Variants in ADARB2 observed in about 807,000 individuals in gnomAD.
ADARB2 encodes adenosine deaminase RNA specific B2 (inactive).
Under a neutral mutation model 62.2 loss-of-function variants are expected in ADARB2, and 25 were observed. That is an observed-to-expected ratio of 0.40 (90% CI 0.29 to 0.56). The LOEUF is 0.56. Among genes scored for constraint, ADARB2 ranks in the 20% least tolerant of loss-of-function variants. ADARB2 has a pLI of 0.43. For missense variants in ADARB2, 1,071 were observed against 1,077.4 expected (o/e 0.99, Z 0.08); for synonymous variants, 572 against 500.8 (o/e 1.14, Z -1.90).
intron 3 of ADARB2, among the ~76,000 whole-genome samples, chr10:1,344,976 C>T (rs985278584): frequency 3.3e-5 from 5 of 152,154 alleles, no homozygotes; most frequent in African/African-American, 1.2e-4. Context: ...GACTTGGTGG[C>T]ACCAAAGAGG....
rs1055541051 is a variant in ADARB2 at position 1,200,025 on chromosome 10, C to T, written c.1805G>A (p.Arg602His). 6 of 1,591,280 alleles carry T rather than the reference C, an allele frequency of 3.8e-6. No individual in the cohort carries two copies. Among genetic ancestry groups the T allele is most frequent in the African/African-American group, 2.7e-5 (2 of 74,858 alleles). ...TGHLARVMSH[R>H]MEGVGQLPAS... is the part of the protein sequence containing the mutation. Reference sequence around the variant, plus strand: ...GGGCAGCTGGCCGACACCCTCCATGCGGTGGCTCATGACGCGTGCGAGGTG... The same window carrying T: ...GGGCAGCTGGCCGACACCCTCCATGTGGTGGCTCATGACGCGTGCGAGGTG... Residue 602 changes from arginine (R) to histidine (H), a missense_variant, in exon 8 of 10, where the codon CGC (arginine) becomes CAC (histidine). Arg to His is a conservative substitution (Grantham distance 29). Transcript: ENST00000381312.
chr10:1,435,816 C>T (rs1830829657), intron 1 of ADARB2, among the ~76,000 whole-genome samples: 1 of 152,230 alleles, frequency 6.6e-6, no homozygotes, highest in Non-Finnish European at 1.5e-5. Context: ...TTTTAGTCCA[C>T]ATGTCACTCA....
intron 1 of ADARB2, among the ~76,000 whole-genome samples, chr10:1,428,836 C>G (rs2820654): frequency 0.045 from 6,828 of 151,884 alleles, 546 homozygotes; most frequent in African/African-American, 0.16. Flanking sequence ...CACACACACA[C>G]GCAATCCCAC....
chr10:1,449,194 T>G (rs1185113077), intron 1 of ADARB2, among the ~76,000 whole-genome samples: 1 of 152,142 alleles, frequency 6.6e-6, no homozygotes, highest in Non-Finnish European at 1.5e-5. Context: ...CAGCCCCACA[T>G]GCTATTATCA....
chr10:1,679,719 G>T (rs1201781428), intron 1 of ADARB2, among the ~76,000 whole-genome samples: 1 of 152,118 alleles, frequency 6.6e-6, no homozygotes, highest in South Asian at 2.1e-4. Context: ...TGACACACAC[G>T]CGGCGTCTAA....
At chr10:1,536,319 C>A (rs1338014815) in intron 1 of ADARB2, among the ~76,000 whole-genome samples, 2 of 152,230 alleles carry the variant, frequency 1.3e-5, no homozygotes, top group Non-Finnish European at 2.9e-5. Flanking sequence ...TCATGGCAAT[C>A]CTAGTGGGCT....
chr10:1,296,449 C>A (rs1831523836), intron 3 of ADARB2, among the ~76,000 whole-genome samples: 1 of 152,172 alleles, frequency 6.6e-6, no homozygotes. Flanking sequence ...ACTGATGATT[C>A]CATAACGTAT....
intron 3 of ADARB2, among the ~76,000 whole-genome samples, chr10:1,276,569 A>C (rs1385925856): frequency 6.6e-6 from 1 of 152,184 alleles, no homozygotes; most frequent in African/African-American, 2.4e-5. Context: ...GTCCTTGCCC[A>C]TATTCACCCA....
intron 1 of ADARB2, among the ~76,000 whole-genome samples, chr10:1,499,734 C>A (rs1831740992): frequency 6.6e-6 from 1 of 152,076 alleles, no homozygotes; most frequent in Non-Finnish European, 1.5e-5. Context: ...ATGCATCACT[C>A]ACTGCTCACT....
At chr10:1,380,245 C>G (rs1315553815) in intron 1 of ADARB2, among the ~76,000 whole-genome samples, 1 of 152,258 alleles carries the variant, frequency 6.6e-6, no homozygotes, top group Non-Finnish European at 1.5e-5. Context: ...CAGCGTTGCT[C>G]ATCCAACACG....
intron 3 of ADARB2, among the ~76,000 whole-genome samples, chr10:1,332,213 G>A (rs1831934454): frequency 6.6e-6 from 1 of 152,156 alleles, no homozygotes; most frequent in Non-Finnish European, 1.5e-5. Context: ...AGAGTGGCCT[G>A]GACAACATAA....
intron 1 of ADARB2, among the ~76,000 whole-genome samples, chr10:1,527,123 G>A (rs1324522836): frequency 6.6e-6 from 1 of 152,208 alleles, no homozygotes; most frequent in Non-Finnish European, 1.5e-5. Flanking sequence ...AGCCTGAGGA[G>A]AATGACAAAG....
intron 3 of ADARB2, among the ~76,000 whole-genome samples, chr10:1,345,294 C>A (rs1344561945): frequency 6.6e-6 from 1 of 152,182 alleles, no homozygotes; most frequent in African/African-American, 2.4e-5. Flanking sequence ...TAGAGGTGCT[C>A]AGAGAAGCTC....
chr10:1,295,611 T>C (rs762155916), intron 3 of ADARB2, among the ~76,000 whole-genome samples: 2 of 151,130 alleles, frequency 1.3e-5, no homozygotes, highest in Non-Finnish European at 2.9e-5. Context: ...TTCAATGACC[T>C]CTCTTGATAC....
chr10:1,472,191 A>G (rs1831331449), intron 1 of ADARB2, among the ~76,000 whole-genome samples: 1 of 152,158 alleles, frequency 6.6e-6, no homozygotes, highest in Non-Finnish European at 1.5e-5. Flanking sequence ...GCTAAGCACA[A>G]TGGCCGTGTG....
intron 1 of ADARB2, among the ~76,000 whole-genome samples, chr10:1,703,708 T>C (rs917009659): frequency 1.3e-5 from 2 of 152,224 alleles, no homozygotes; most frequent in African/African-American, 4.8e-5. Flanking sequence ...CTTGCAGCCT[T>C]GTGTGCTTTT....
intron 1 of ADARB2, among the ~76,000 whole-genome samples, chr10:1,514,233 TA>T (rs889122339): frequency 5.6e-5 from 7 of 124,022 alleles, no homozygotes; most frequent in African/African-American, 2.0e-4. Flanking sequence ...CATAAATATA[TA>T]AAAATATACT....
Position 1,540,533 on chromosome 10 carries a change from TCA to T in ADARB2, c.101-161375_101-161374del, listed in dbSNP as rs1415880306. ...CGCCCAGACCCCACTCAGACGTAGT[TCA>T]GACCCTGGATCACAGCCGTCCAGAC... On this transcript the variant is annotated intron_variant, in intron 1 of 9. Transcript: ENST00000381312. Among the ~76,000 whole-genome samples the T allele has an allele frequency of 6.2e-5, 7 of 113,628 alleles. 2 individuals carry two copies. The highest frequency in any genetic ancestry group is 5.4e-5 in the Non-Finnish European group (3 of 55,766). 74.5% of individuals were successfully genotyped at this position (113,628 alleles called of 152,430 possible).
chr10:1,615,234 T>C (rs763083544), intron 1 of ADARB2, among the ~76,000 whole-genome samples: 7 of 152,208 alleles, frequency 4.6e-5, no homozygotes, highest in Admixed American at 6.5e-5. Flanking sequence ...CCAGGTTCAC[T>C]CTCCACTGCC....
Sources: allele counts gnomAD v4.1 joint callset (sites outside exome capture counted in the v4.1 genomes callset), GRCh38; gene constraint gnomAD v4.1.1; transcripts MANE v1.5; gene names NCBI Gene and HGNC (gene_info 2026-07-23, HGNC 2026-07-21).